NOD2: variants seen among roughly 807,000 people sequenced by gnomAD.
NOD2 encodes nucleotide-binding oligomerization domain-containing protein 2.
NOD2 carries 86 observed loss-of-function variants against 90.9 expected under a neutral mutation model. The observed-to-expected ratio is 0.95, with a 90% confidence interval of 0.79 to 1.13. The LOEUF is 1.13. Among genes scored for constraint, NOD2 ranks in the 50% most tolerant of loss-of-function variants. NOD2 has a pLI of 0.00. For synonymous variants in NOD2, 581 were observed against 554.6 expected, an observed-to-expected ratio of 1.05 and a Z score of -0.67; for missense variants, 1,238 against 1,283.8, an observed-to-expected ratio of 0.96 and a Z score of 0.55.
At chr16:50,722,769 G>A in intron 8 of NOD2, 64 bp downstream of exon 8, 2 of 1,461,756 alleles carry the variant, frequency 1.4e-6, no homozygotes, top group Non-Finnish European at 1.9e-6. Context: ...AGGAGCTGGG[G>A]CCAGTTCTGA....
In NOD2 at chr16:50,697,205, G is replaced by A. The variant is rs377397140; in HGVS notation, c.-8-2283G>A. On this transcript the variant is annotated intron_variant, in intron 1 of 11. Transcript: ENST00000647318. ...TTGGCGTTCTGCACAAGGCCTACCCGCAGATGCCATGCCTGCTCCCCCAGC... is the reference window on the plus strand; with the variant it reads ...TTGGCGTTCTGCACAAGGCCTACCCACAGATGCCATGCCTGCTCCCCCAGC... The A allele has an allele frequency of 5.3e-5, 81 of 1,531,818 alleles. No homozygotes were observed. In the African/African-American group the frequency reaches 7.7e-4, roughly 15 times the overall value. 94.9% of individuals were successfully genotyped at this position (1,531,818 alleles called of 1,614,324 possible). A position where few individuals can be genotyped will look rare whatever the true frequency, so the allele number is the denominator to read the frequency against.
chr16:50,719,942 T>C lies in NOD2; in HGVS notation c.2567T>C (p.Ile856Thr), dbSNP rs776394582. ...FLALRLGNNYITAAGAQVLAE... is the reference protein window; with the variant it reads ...FLALRLGNNYTTAAGAQVLAE... ...CCTTCCAGGCTGGGGAATAACTACA[T>C]CACTGCCGCGGGAGCCCAAGTGCTG... is the stretch of plus-strand genomic sequence containing the variant. Residue 856 changes from isoleucine to threonine, a missense_variant, in exon 7 of 12, where the codon ATC becomes ACC. Ile to Thr is a moderately conservative substitution (Grantham distance 89, BLOSUM62 -1). Coordinates refer to ENST00000647318, the MANE Select transcript of NOD2 (RefSeq NM_001370466.1). 10 of 1,614,064 alleles carry C rather than the reference T, an allele frequency of 6.2e-6. No homozygotes were observed. The highest frequency in any genetic ancestry group is 8.5e-6 in the Non-Finnish European group (10 of 1,180,014).
At chr16:50,718,385 G>A (rs981837438) in intron 6 of NOD2, among the ~76,000 whole-genome samples, 2 of 152,226 alleles carry the variant, frequency 1.3e-5, no homozygotes, top group African/African-American at 4.8e-5. Context: ...TGGACGGGGG[G>A]CTGATTCACG....
intron 1 of NOD2, among the ~76,000 whole-genome samples, chr16:50,698,604 A>T (rs1286667850): frequency 6.6e-6 from 1 of 152,218 alleles, no homozygotes; most frequent in East Asian, 1.9e-4. Flanking sequence ...TTCCGGAGTC[A>T]TACATGGCTC....
chr16:50,714,554 C>A (rs1964691186), intron 4 of NOD2, among the ~76,000 whole-genome samples: 1 of 151,498 alleles, frequency 6.6e-6, no homozygotes, highest in Admixed American at 6.6e-5. Flanking sequence ...ACTAAAACTG[C>A]CAAGGCCGTA....
In NOD2 at chr16:50,699,827, G is replaced by A. The variant is rs104895456; in HGVS notation, c.332G>A (p.Arg111Gln). 1.4e-4 allele frequency: 226 copies of A among 1,613,572 alleles called. No individual in the cohort carries two copies. The highest frequency in any genetic ancestry group is 1.7e-4 in the Non-Finnish European group (198 of 1,179,952). The part of the protein sequence containing the change: ...LHPARDLQSH[R>Q]PAIVRRLHSH... ...CCAGCCCGAGACCTGCAGAGTCACC[G>A]GCCAGCCATTGTCAGGAGGCTCCAC... The change falls in exon 2 of 12, where the codon CGG (arginine) becomes CAG (glutamine). Residue 111 changes from arginine (R) to glutamine (Q), a missense_variant. By Grantham distance (43) the Arg-to-Gln change is conservative. Coordinates refer to ENST00000647318, the MANE Select transcript of NOD2 (RefSeq NM_001370466.1).
chr16:50,718,303 G>A (rs966583459), intron 6 of NOD2, among the ~76,000 whole-genome samples: 12 of 152,186 alleles, frequency 7.9e-5, no homozygotes, highest in African/African-American at 2.9e-4. Flanking sequence ...CAACAATGAG[G>A]TCGGCAGCTG....
rs104895469 is a variant in NOD2 at position 50,710,981 on chromosome 16, A to G, written c.989A>G (p.Asp330Gly). The change falls in exon 4 of 12, where the codon GAT becomes GGT. Residue 330 changes from aspartate (D) to glycine (G), a missense_variant. Physicochemically the swap from Asp to Gly is moderately conservative, Grantham distance 94 (BLOSUM62 -1). Around this residue, in one of 3 missense-constraint regions of NOD2, gnomAD observed 567 missense variants for 577.3 expected, o/e 0.98. Transcript: ENST00000647318. ...CTCTTTGAGCACTGCTGTTGGCCTG[A>G]TGTTGGTCAAGAAGACATCTTCCAG... ...TLLFEHCCWP[D>G]VGQEDIFQLL... 3.7e-6 allele frequency: 6 copies of G among 1,614,070 alleles called. No homozygotes were observed. Among genetic ancestry groups the G allele is most frequent in the Admixed American group, 1.7e-5 (1 of 60,008 alleles).
At position 50,712,037 on chromosome 16, in the gene NOD2, G is replaced by A. The variant is rs1283525653; in HGVS notation, c.2045G>A (p.Trp682Ter). 3 of 1,613,202 alleles carry A rather than the reference G, an allele frequency of 1.9e-6. No individual in the cohort carries two copies. The highest frequency in any genetic ancestry group is 3.3e-5 in the Admixed American group (2 of 60,026). ...CTCCGGCGCCAGGCCTGTGCCCGCTGGTGTCTGGCCCGCAGCCTCCGCAAG... is the reference window on the plus strand; with the variant it reads ...CTCCGGCGCCAGGCCTGTGCCCGCTAGTGTCTGGCCCGCAGCCTCCGCAAG... ...ALLRRQACAR[W>*]CLARSLRKHF... is the part of the protein sequence containing the mutation. The change falls in exon 4 of 12, where the codon TGG becomes TAG. Residue 682 changes from tryptophan (W) to a stop codon, truncating the protein, a stop_gained. Coordinates refer to ENST00000647318, the MANE Select transcript of NOD2 (RefSeq NM_001370466.1). LOFTEE classifies it high-confidence loss of function.
chr16:50,719,841 T>C, intron 6 of NOD2, 84 bp from the exon 7 acceptor site: 1 of 1,263,656 alleles, frequency 7.9e-7, no homozygotes, highest in African/African-American at 1.5e-5. Flanking sequence ...GCTTTCTTCC[T>C]GTGTTTCCCT....
At position 50,716,639 on chromosome 16, in the gene NOD2, G is replaced by T. The variant is rs757680896; in HGVS notation, c.2434G>T (p.Ala812Ser). ...AGGCATCTGCAAGCTCATTGAATGT[G>T]CTCTTCACTGCGAGCAATTGCAGAA... ...DRGICKLIEC[A>S]LHCEQLQKLA... is the part of the protein sequence containing the mutation. The change falls in exon 5 of 12, where the codon GCT becomes TCT. Residue 812 changes from alanine (A) to serine (S), a missense_variant. Ala to Ser is a moderately conservative substitution (Grantham distance 99). Coordinates refer to ENST00000647318, the MANE Select transcript of NOD2 (RefSeq NM_001370466.1). 4.3e-6 allele frequency: 7 copies of T among 1,614,072 alleles called. No homozygotes were observed. The highest frequency in any genetic ancestry group is 5.9e-6 in the Non-Finnish European group (7 of 1,180,044).
rs755138906 is a variant in NOD2, at chr16:50,731,717, T to G, written c.2970-30T>G. On this transcript the variant is annotated intron_variant, in intron 11 of 11. Coordinates refer to ENST00000647318, the MANE Select transcript of NOD2 (RefSeq NM_001370466.1). ...AGCCCTGCTCTAATTTTGTCCTCAC[T>G]CAAACCTCTGTTCACTTGATCTGCT... 12 of 1,553,358 alleles carry G rather than the reference T, an allele frequency of 7.7e-6. No homozygotes were observed. In the South Asian group the frequency reaches 1.1e-4, roughly 14 times the overall value.
intron 2 of NOD2, among the ~76,000 whole-genome samples, chr16:50,700,434 T>G (rs1963889486): frequency 6.6e-6 from 1 of 152,214 alleles, no homozygotes; most frequent in African/African-American, 2.4e-5. Context: ...AACAGAACAC[T>G]TCTGCCGAGA....
At chr16:50,716,825 T>A (rs1964820639) in intron 5 of NOD2, 66 bp from the exon 6 acceptor site, 1 of 1,548,338 alleles carries the variant, frequency 6.5e-7, no homozygotes, top group Non-Finnish European at 8.9e-7. Context: ...AGGGCAACCC[T>A]GGGATTTGGT....
chr16:50,714,642 G>GTA (rs1491547312), intron 4 of NOD2, among the ~76,000 whole-genome samples: 1 of 139,414 alleles, frequency 7.2e-6, no homozygotes, highest in Non-Finnish European at 1.6e-5. Context: ...GTGTGTGTGT[G>GTA]TATGAGAGAG....
intron 4 of NOD2, chr16:50,712,578 T>C: frequency 3.1e-6 from 2 of 653,854 alleles, no homozygotes; most frequent in Non-Finnish European, 5.3e-6. Flanking sequence ...GCCTATGTGC[T>C]GGGTCTGGTG....
intron 2 of NOD2, among the ~76,000 whole-genome samples, chr16:50,705,735 T>G (rs1453666790): frequency 6.6e-6 from 1 of 152,200 alleles, no homozygotes; most frequent in Non-Finnish European, 1.5e-5. Flanking sequence ...TTTTCAACTT[T>G]CTTGTTTTGG....
chr16:50,716,702 C>G (rs750999250), intron 5 of NOD2, 32 bp downstream of exon 5: 18 of 1,604,454 alleles, frequency 1.1e-5, no homozygotes, highest in Non-Finnish European at 1.5e-5. Context: ...ACAATGGGCT[C>G]CAAGTGCCCT....
chr16:50,714,756 A>G (rs1964707359), intron 4 of NOD2, among the ~76,000 whole-genome samples: 1 of 151,854 alleles, frequency 6.6e-6, no homozygotes, highest in Non-Finnish European at 1.5e-5. Context: ...TTCCATGCCA[A>G]CTGAAATCCT....
Sources: allele counts gnomAD v4.1 joint callset (sites outside exome capture counted in the v4.1 genomes callset), GRCh38; gene constraint gnomAD v4.1.1; regional missense constraint gnomAD v4.1.1; transcripts MANE v1.5; gene names NCBI Gene and HGNC (gene_info 2026-07-23, HGNC 2026-07-21).